PATJ: variants seen among roughly 807,000 people sequenced by gnomAD.
PATJ encodes PATJ crumbs cell polarity complex component.
In PATJ, 190 loss-of-function variants were observed where a neutral mutation model predicts 224.9. The observed-to-expected ratio is 0.84, with a 90% CI of 0.75 to 0.95. The LOEUF (loss-of-function observed/expected upper bound fraction) is 0.95. Ranked by LOEUF, PATJ falls within the 40% of genes least tolerant of loss-of-function variation. The pLI, the probability that PATJ is intolerant of heterozygous loss-of-function variation, is 0.00. For missense variants in PATJ, 2,121 were observed against 2,270.3 expected (o/e 0.93, Z 1.34); for synonymous variants, 769 against 820.3 (o/e 0.94, Z 1.07).
At chr1:62,141,883 T>C (rs1390244081) in intron 41 of PATJ, among the ~76,000 whole-genome samples, 1 of 151,788 alleles carries the variant, frequency 6.6e-6, no homozygotes, top group Admixed American at 6.6e-5. Flanking sequence ...GGCAAGAGAA[T>C]TGCTTGACCA....
chr1:61,870,433 C>A (rs964686427), intron 20 of PATJ, among the ~76,000 whole-genome samples: 1 of 152,032 alleles, frequency 6.6e-6, no homozygotes, highest in Non-Finnish European at 1.5e-5. Flanking sequence ...TAGAGCAGGG[C>A]GAGGGCATGG....
Position 61,805,429 on chromosome 1 carries a change from CTT to C in PATJ, c.1550-11_1550-10del. On this transcript the variant is annotated splice_polypyrimidine_tract_variant and intron_variant, in intron 12 of 43. Coordinates refer to ENST00000642238, the MANE Select transcript of PATJ (RefSeq NM_001350145.3). The stretch of plus-strand genomic sequence containing the variant: ...GTTTCAACATTCTCTCGCTCTCTCT[CTT>C]TTTTTTTAATATCCAGAAAAAGTCC... 1 of 1,483,446 alleles carries C rather than the reference CTT, an allele frequency of 6.7e-7. No homozygotes were observed. The highest frequency in any genetic ancestry group is 9.3e-7 in the Non-Finnish European group (1 of 1,070,492). 91.9% of individuals were successfully genotyped at this position (1,483,446 alleles called of 1,614,324 possible).
intron 27 of PATJ, among the ~76,000 whole-genome samples, chr1:61,958,704 AG>A (rs1680788739): frequency 6.6e-6 from 1 of 152,166 alleles, no homozygotes; most frequent in South Asian, 2.1e-4. Context: ...TGTGATCCCC[AG>A]GGGTTACCTG....
chr1:61,879,476 A>T (rs1667788184), intron 21 of PATJ, among the ~76,000 whole-genome samples: 1 of 152,194 alleles, frequency 6.6e-6, no homozygotes, highest in African/African-American at 2.4e-5. Context: ...TGCTGTTTGG[A>T]CCCAAAACCT....
chr1:61,899,660 T>C lies in PATJ; in HGVS notation c.3203+6T>C, dbSNP rs1036664156. 1.9e-6 allele frequency: 3 copies of C among 1,594,598 alleles called. No individual in the cohort carries two copies. In the African/African-American group the frequency reaches 4.1e-5, roughly 22 times the overall value. ...CACTGGGGTCCACCGAGAATGTATG[T>C]GGATGACATTATTGTGGCTTTCTCA... On this transcript the variant is annotated splice_donor_region_variant and intron_variant, in intron 23 of 43. Coordinates refer to ENST00000642238, the MANE Select transcript of PATJ (RefSeq NM_001350145.3).
intron 22 of PATJ, among the ~76,000 whole-genome samples, chr1:61,894,267 AAAC>A (rs1670034056): frequency 7.2e-6 from 1 of 138,742 alleles, no homozygotes; most frequent in Non-Finnish European, 1.5e-5. Flanking sequence ...AAAAAAAAAA[AAAC>A]ACAAAAAAAA....
chr1:62,121,874 AAG>A (rs892392799), intron 38 of PATJ, among the ~76,000 whole-genome samples: 2 of 152,178 alleles, frequency 1.3e-5, no homozygotes, highest in African/African-American at 4.8e-5. Flanking sequence ...ATTACTTACA[AAG>A]AGAAAATTAA....
chr1:61,871,472 T>TATATGTGTATATAC (rs1471726305), intron 20 of PATJ, among the ~76,000 whole-genome samples: 3 of 98,762 alleles, frequency 3.0e-5, no homozygotes, highest in Admixed American at 9.9e-5. Context: ...TATATGTATA[T>TATATGTGTATATAC]ACATATATAT....
chr1:62,112,197 G>C (rs1334263004), intron 34 of PATJ, among the ~76,000 whole-genome samples: 1 of 151,958 alleles, frequency 6.6e-6, no homozygotes, highest in African/African-American at 2.4e-5. Flanking sequence ...TTAGTCTTTA[G>C]AATGTTAGAA....
intron 1 of PATJ, among the ~76,000 whole-genome samples, chr1:61,749,933 C>A (rs2148173995): frequency 6.6e-6 from 1 of 152,248 alleles, no homozygotes; most frequent in Non-Finnish European, 1.5e-5. Context: ...CTGCCTTGGC[C>A]TCCCAAAGTG....
intron 6 of PATJ, among the ~76,000 whole-genome samples, chr1:61,773,362 G>A (rs549193573): frequency 6.6e-6 from 1 of 152,138 alleles, no homozygotes; most frequent in South Asian, 2.1e-4. Flanking sequence ...TAGTAACTTT[G>A]CAATTTAGTG....
At chr1:61,872,751 G>C (rs757131916) in intron 20 of PATJ, among the ~76,000 whole-genome samples, 1 of 152,052 alleles carries the variant, frequency 6.6e-6, no homozygotes, top group East Asian at 1.9e-4. Flanking sequence ...GAAAATCCTC[G>C]GAGGCCCACT....
At chr1:61,857,525 A>G (rs1234092075) in intron 18 of PATJ, among the ~76,000 whole-genome samples, 3 of 152,236 alleles carry the variant, frequency 2.0e-5, no homozygotes, top group African/African-American at 7.2e-5. Context: ...CCTAGTTTGT[A>G]TGCAGCATGT....
chr1:61,761,711 G>A (rs1256949484), intron 1 of PATJ, among the ~76,000 whole-genome samples: 3 of 150,964 alleles, frequency 2.0e-5, no homozygotes, highest in African/African-American at 7.3e-5. Flanking sequence ...TTTGAGACAG[G>A]GTCTCACTCT....
chr1:62,053,410 TG>T (rs1373966727), intron 31 of PATJ, among the ~76,000 whole-genome samples: 4 of 152,188 alleles, frequency 2.6e-5, no homozygotes, highest in Non-Finnish European at 5.9e-5. Context: ...ATAAATGGCC[TG>T]GCATAAAGTA....
chr1:61,946,551 G>A (rs1678741409), intron 27 of PATJ, among the ~76,000 whole-genome samples: 1 of 152,096 alleles, frequency 6.6e-6, no homozygotes. Context: ...CTAATAACAG[G>A]TTCTGAAATT....
At chr1:62,126,839 G>A (rs958434514) in intron 39 of PATJ, among the ~76,000 whole-genome samples, 3 of 147,652 alleles carry the variant, frequency 2.0e-5, no homozygotes, top group African/African-American at 4.9e-5. Context: ...AGGGTGTTGT[G>A]TGTGTGTGTG....
chr1:62,155,018 A>G (rs1669037442), intron 43 of PATJ, among the ~76,000 whole-genome samples: 1 of 152,226 alleles, frequency 6.6e-6, no homozygotes, highest in Admixed American at 6.5e-5. Flanking sequence ...CCCAAGGTAG[A>G]TAAACCATAA....
intron 9 of PATJ, among the ~76,000 whole-genome samples, chr1:61,794,583 T>G (rs974841390): frequency 6.6e-6 from 1 of 152,164 alleles, no homozygotes; most frequent in African/African-American, 2.4e-5. Flanking sequence ...TTTAAAAATT[T>G]TTTATAGCCA....
Sources: allele counts gnomAD v4.1 joint callset (sites outside exome capture counted in the v4.1 genomes callset), GRCh38; gene constraint gnomAD v4.1.1; transcripts MANE v1.5; gene names NCBI Gene and HGNC (gene_info 2026-07-23, HGNC 2026-07-21).